The following PROCR variants were observed in gnomAD, a reference collection of about 807,000 sequenced individuals.
PROCR encodes the protein endothelial protein C receptor.
In PROCR, 22 loss-of-function variants were observed where a neutral mutation model predicts 24.2. The ratio of observed to expected loss-of-function variants is 0.91; its 90% CI spans 0.65 to 1.30. The LOEUF (loss-of-function observed/expected upper bound fraction) is 1.30. Ranked by LOEUF, PROCR falls within the 50% of genes most tolerant of loss-of-function variation. PROCR has a pLI of 0.00. For synonymous variants in PROCR, 137 were observed against 139.2 expected (o/e 0.98, Z 0.11); for missense variants, 288 against 307.7 (o/e 0.94, Z 0.48).
chr20:35,201,481 A>C (rs1354609028), intron 1 of PROCR, among the ~76,000 whole-genome samples: 1 of 152,214 alleles, frequency 6.6e-6, no homozygotes, highest in Non-Finnish European at 1.5e-5. Flanking sequence ...TGAGGTCAGG[A>C]GTTCAAGACC....
At chr20:35,178,758 G>A (rs1213640497), downstream of PROCR, among the ~76,000 whole-genome samples, 1 of 143,300 alleles carries the variant, frequency 7.0e-6, no homozygotes, top group South Asian at 2.2e-4. Flanking sequence ...CTCGTGATCC[G>A]CCCACCTCGG....
At chr20:35,197,821 C>CA (rs66587294) in intron 1 of PROCR, among the ~76,000 whole-genome samples, 212 of 115,786 alleles carry the variant, frequency 1.8e-3, no homozygotes, top group African/African-American at 4.3e-3. Context: ...GACTCCGTCT[C>CA]AAAAAAAAAA....
chr20:35,182,960 C>G (rs1485227349), intron 1 of PROCR, among the ~76,000 whole-genome samples: 2 of 124,358 alleles, frequency 1.6e-5, no homozygotes, highest in Admixed American at 1.1e-4. Flanking sequence ...GGCGACAGAG[C>G]GAGACTCCGT....
chr20:35,211,318 G>A (rs2060362094), intron 1 of PROCR, among the ~76,000 whole-genome samples: 2 of 152,302 alleles, frequency 1.3e-5, no homozygotes, highest in East Asian at 1.9e-4. Flanking sequence ...TTTTAAAAGC[G>A]TGAAAGGTAT....
chr20:35,189,471 G>A (rs2086155378), intron 1 of PROCR, among the ~76,000 whole-genome samples: 2 of 152,122 alleles, frequency 1.3e-5, no homozygotes, highest in African/African-American at 2.4e-5. Flanking sequence ...GTGGGACATG[G>A]AACTTCATTA....
At chr20:35,206,006 AATTT>A (rs1424638324) in intron 1 of PROCR, among the ~76,000 whole-genome samples, 2 of 149,974 alleles carry the variant, frequency 1.3e-5, no homozygotes, top group African/African-American at 4.9e-5. Flanking sequence ...TTGAATCCAG[AATTT>A]ATTTTTTAAC....
intron 1 of PROCR, among the ~76,000 whole-genome samples, chr20:35,213,254 A>G (rs1208941018): frequency 1.3e-5 from 2 of 152,080 alleles, no homozygotes; most frequent in African/African-American, 4.8e-5. Flanking sequence ...AATCGCTTGA[A>G]CCAAGGAAGC....
chr20:35,198,951 T>A (rs1462922013), intron 1 of PROCR, among the ~76,000 whole-genome samples: 2 of 152,094 alleles, frequency 1.3e-5, no homozygotes, highest in East Asian at 3.9e-4. Context: ...CCTGACCTCA[T>A]GATCTGCCCG....
At chr20:35,173,798 A>G (rs1193409673) in intron 1 of PROCR, among the ~76,000 whole-genome samples, 6 of 152,204 alleles carry the variant, frequency 3.9e-5, no homozygotes, top group African/African-American at 1.2e-4. Context: ...CAATCCTGAC[A>G]TGCTATTCAT....
chr20:35,205,399 A>G (rs2060334185), intron 1 of PROCR, among the ~76,000 whole-genome samples: 1 of 139,268 alleles, frequency 7.2e-6, no homozygotes, highest in Non-Finnish European at 1.5e-5. Flanking sequence ...CCCATTCATG[A>G]TAAAAAAAAA....
chr20:35,184,692 T>G (rs2086108030), intron 1 of PROCR, among the ~76,000 whole-genome samples: 2 of 152,030 alleles, frequency 1.3e-5, no homozygotes, highest in South Asian at 4.1e-4. Flanking sequence ...AGAGCGAGAC[T>G]GTGAGACTCT....
upstream of PROCR, chr20:35,172,051 C>T (rs918382828): frequency 3.5e-5 from 36 of 1,038,330 alleles, no homozygotes; most frequent in African/African-American, 6.3e-5. Context: ...GCCCAGACTC[C>T]GCCCCTCCCA....
chr20:35,205,785 A>ATATATATATATATATATC (rs2060338358), intron 1 of PROCR, among the ~76,000 whole-genome samples: 1 of 134,220 alleles, frequency 7.5e-6, no homozygotes, highest in African/African-American at 2.8e-5. Flanking sequence ...ATATATATAT[A>ATATATATATATATATATC]TATGTATATA....
chr20:35,196,365 A>G (rs557770521), intron 1 of PROCR, among the ~76,000 whole-genome samples: 1 of 152,230 alleles, frequency 6.6e-6, no homozygotes, highest in African/African-American at 2.4e-5. Flanking sequence ...ACAAATTTAC[A>G]GAATTGTAAA....
chr20:35,194,282 T>A (rs2146166183), intron 1 of PROCR, among the ~76,000 whole-genome samples: 1 of 152,244 alleles, frequency 6.6e-6, no homozygotes, highest in African/African-American at 2.4e-5. Flanking sequence ...AGTAAGATAT[T>A]AAAAAGAATA....
At chr20:35,211,740 G>A (rs896858029) in intron 1 of PROCR, among the ~76,000 whole-genome samples, 47 of 152,252 alleles carry the variant, frequency 3.1e-4, no homozygotes, top group African/African-American at 1.1e-3. Context: ...TCGGCTGGGC[G>A]TGGTGGCTCA....
At chr20:35,178,620 A>C (rs1600736862), downstream of PROCR, among the ~76,000 whole-genome samples, 1 of 99,332 alleles carries the variant, frequency 1.0e-5, no homozygotes, top group Non-Finnish European at 1.9e-5. Context: ...GGTTCACGCC[A>C]TTCTCCTGCC....
At chr20:35,195,321 A>T (rs2086206308) in intron 1 of PROCR, 1 of 152,164 alleles carries the variant, frequency 6.6e-6, no homozygotes, top group Admixed American at 6.5e-5. Flanking sequence ...CAGATATACC[A>T]TCCTGAATGC....
intron 1 of PROCR, among the ~76,000 whole-genome samples, chr20:35,198,703 G>C (rs2060308251): frequency 6.6e-6 from 1 of 151,792 alleles, no homozygotes; most frequent in African/African-American, 2.4e-5. Flanking sequence ...ATTGGAAGAA[G>C]ATGCCATCAA....
Sources: allele counts gnomAD v4.1 joint callset (sites outside exome capture counted in the v4.1 genomes callset), GRCh38; gene constraint gnomAD v4.1.1; transcripts MANE v1.5; gene names NCBI Gene and HGNC (gene_info 2026-07-23, HGNC 2026-07-21).